The following ROCK1 variants were observed in gnomAD, a reference collection of about 807,000 sequenced individuals.
The protein encoded by ROCK1 is rho-associated protein kinase 1.
ROCK1 carries 36 observed loss-of-function variants against 196.8 expected under a neutral mutation model. The ratio of observed to expected loss-of-function variants is 0.18; its 90% confidence interval spans 0.14 to 0.24. ROCK1 has a LOEUF of 0.24. ROCK1 is among the 10% of genes least tolerant of loss of function. The probability of loss-of-function intolerance (pLI) is 1.00; values close to 1 mark genes in which losing one functional copy is unlikely to be tolerated. For missense variants in ROCK1, 920 were observed against 1,562.0 expected (o/e 0.59, Z 6.93); for synonymous variants, 443 against 515.9 (o/e 0.86, Z 1.91).
intron 13 of ROCK1, among the ~76,000 whole-genome samples, chr18:21,014,038 C>T (rs2035841791): frequency 6.8e-6 from 1 of 146,804 alleles, no homozygotes; most frequent in South Asian, 2.1e-4. Flanking sequence ...TGCACTCCAG[C>T]CTGGGAAAAA....
At chr18:20,970,192 T>C in intron 23 of ROCK1, 156 bp downstream of exon 23, 1 of 524,880 alleles carries the variant, frequency 1.9e-6, no homozygotes. Context: ...AAATGTTTGG[T>C]ATTATACAAA....
intron 11 of ROCK1, among the ~76,000 whole-genome samples, chr18:21,021,439 C>T (rs1392245484): frequency 1.3e-5 from 2 of 151,840 alleles, no homozygotes; most frequent in East Asian, 3.9e-4. Context: ...AAATAAAATT[C>T]AAAAATATGG....
chr18:20,959,192 A>T (rs1340372297), intron 29 of ROCK1, among the ~76,000 whole-genome samples: 3 of 66,492 alleles, frequency 4.5e-5, no homozygotes, highest in Admixed American at 2.8e-4. Context: ...ATTATATATA[A>T]TATATATAAT....
At chr18:21,025,055 A>G (rs1000465541) in intron 10 of ROCK1, among the ~76,000 whole-genome samples, 5 of 152,240 alleles carry the variant, frequency 3.3e-5, no homozygotes, top group African/African-American at 1.2e-4. Context: ...CTGACATTTT[A>G]GTCTTCTGCA....
chr18:21,075,772 G>A (rs746088698), intron 1 of ROCK1, among the ~76,000 whole-genome samples: 1 of 151,898 alleles, frequency 6.6e-6, no homozygotes, highest in South Asian at 2.1e-4. Context: ...GACCAACATG[G>A]AGAAACCCCT....
At chr18:21,063,688 G>C (rs565727468) in intron 2 of ROCK1, among the ~76,000 whole-genome samples, 1 of 152,274 alleles carries the variant, frequency 6.6e-6, no homozygotes, top group Admixed American at 6.5e-5. Flanking sequence ...AGCAACGTAG[G>C]TAACTGTACA....
chr18:21,101,873 C>CTTT (rs535936149), intron 1 of ROCK1, among the ~76,000 whole-genome samples: 37 of 144,192 alleles, frequency 2.6e-4, no homozygotes, highest in African/African-American at 8.3e-4. Flanking sequence ...AGAAAATGTC[C>CTTT]TTTTTTTTTT....
At chr18:21,046,323 C>T (rs939904869) in intron 4 of ROCK1, among the ~76,000 whole-genome samples, 8 of 152,202 alleles carry the variant, frequency 5.3e-5, no homozygotes, top group African/African-American at 1.7e-4. Flanking sequence ...AACTTTTATA[C>T]CTGCTGCTTA....
chr18:20,983,139 G>T (rs1598517133), intron 20 of ROCK1, among the ~76,000 whole-genome samples: 4 of 150,914 alleles, frequency 2.7e-5, no homozygotes, highest in East Asian at 3.9e-4. Context: ...CCATATTTTT[G>T]GTAAATTTTT....
intron 8 of ROCK1, 44 bp from the exon 9 acceptor site, chr18:21,039,607 C>A: frequency 7.4e-7 from 1 of 1,348,510 alleles, no homozygotes; most frequent in Non-Finnish European, 1.1e-6. Flanking sequence ...CATTTAAGAT[C>A]TTATTATAAC....
intron 9 of ROCK1, among the ~76,000 whole-genome samples, chr18:21,038,008 T>TAA (rs1420249596): frequency 1.3e-5 from 2 of 152,194 alleles, no homozygotes; most frequent in African/African-American, 4.8e-5. Context: ...ATGCATTGCT[T>TAA]AACTTTGAAA....
chr18:20,951,871 C>A (rs1165182276), intron 32 of ROCK1, among the ~76,000 whole-genome samples: 1 of 152,140 alleles, frequency 6.6e-6, no homozygotes. Context: ...GCTTCTAATT[C>A]GAGTGGCCCT....
intron 31 of ROCK1, 27 bp downstream of exon 31, chr18:20,954,756 G>C (rs1392583859): frequency 1.4e-5 from 22 of 1,553,788 alleles, no homozygotes; most frequent in Non-Finnish European, 1.9e-5. Flanking sequence ...TTTGTTATAA[G>C]TTGTAACAAT....
chr18:20,967,526 G>A (rs2035385448), intron 26 of ROCK1, among the ~76,000 whole-genome samples: 1 of 152,118 alleles, frequency 6.6e-6, no homozygotes. Flanking sequence ...TTTCAAAAAA[G>A]TGAGTCTTGA....
At chr18:20,972,817 T>C (rs1039437426) in intron 22 of ROCK1, among the ~76,000 whole-genome samples, 19 of 152,314 alleles carry the variant, frequency 1.2e-4, no homozygotes, top group East Asian at 5.8e-4. Context: ...GGAAGATACC[T>C]GGTATGTCAC....
At chr18:21,080,660 T>A (rs2036475518) in intron 1 of ROCK1, among the ~76,000 whole-genome samples, 1 of 152,052 alleles carries the variant, frequency 6.6e-6, no homozygotes, top group South Asian at 2.1e-4. Flanking sequence ...GAAAAAATAC[T>A]CCATGCAAAT....
intron 27 of ROCK1, among the ~76,000 whole-genome samples, chr18:20,963,912 T>C (rs2035349446): frequency 6.6e-6 from 1 of 152,126 alleles, no homozygotes; most frequent in Non-Finnish European, 1.5e-5. Context: ...GAGTTATAAG[T>C]CAGAGAAGGA....
At chr18:21,020,007 G>A (rs111549112) in intron 12 of ROCK1, 144 bp downstream of exon 12, 172 of 448,082 alleles carry the variant, frequency 3.8e-4, no homozygotes, top group African/African-American at 2.9e-3. Flanking sequence ...AATTCTAGCC[G>A]AGACACATCA....
At chr18:20,959,159 ATATAT>A (rs1400527576) in intron 29 of ROCK1, among the ~76,000 whole-genome samples, 11 of 74,768 alleles carry the variant, frequency 1.5e-4, no homozygotes, top group Middle Eastern at 5.7e-3. Context: ...TATATATATT[ATATAT>A]TATATAATAT....
Sources: allele counts gnomAD v4.1 joint callset (sites outside exome capture counted in the v4.1 genomes callset), GRCh38; gene constraint gnomAD v4.1.1; transcripts MANE v1.5; gene names NCBI Gene and HGNC (gene_info 2026-07-23, HGNC 2026-07-21).